The following COL5A2 variants were observed in gnomAD, a reference collection of about 807,000 sequenced individuals.
COL5A2 encodes collagen alpha-2(V) chain.
Under a neutral mutation model 208.2 loss-of-function variants are expected in COL5A2, and 23 were observed. That is an observed-to-expected ratio of 0.11 (90% CI 0.08 to 0.16). COL5A2 has a LOEUF of 0.16. COL5A2 is among the 10% of genes least tolerant of loss of function. The pLI, the probability that COL5A2 is intolerant of heterozygous loss-of-function variation, is 1.00. For synonymous variants in COL5A2, 625 were observed against 628.5 expected (o/e 0.99, Z 0.08); for missense variants, 1,590 against 1,956.4 (o/e 0.81, Z 3.53).
At chr2:189,265,866 T>G in the COL5A2 span, among the ~76,000 whole-genome samples, 1 of 152,292 alleles carries the variant, frequency 6.6e-6, no homozygotes, top group South Asian at 2.1e-4. Flanking sequence ...CATACACTGC[T>G]AGAAGGAATG....
chr2:189,213,359 G>A (rs1689239819), intron 1 of COL5A2, among the ~76,000 whole-genome samples: 1 of 152,100 alleles, frequency 6.6e-6, no homozygotes, highest in East Asian at 1.9e-4. Flanking sequence ...ATAACAAAAG[G>A]AGAATACAGA....
the COL5A2 span, among the ~76,000 whole-genome samples, chr2:189,247,174 G>A: frequency 6.6e-6 from 1 of 152,138 alleles, no homozygotes; most frequent in Admixed American, 6.5e-5. Flanking sequence ...ACCAGTTGTG[G>A]CCTAAGAAGA....
chr2:189,353,147 T>C, the COL5A2 span, among the ~76,000 whole-genome samples: 3 of 152,188 alleles, frequency 2.0e-5, no homozygotes, highest in Non-Finnish European at 4.4e-5. Context: ...CATTGGTGTA[T>C]ATATCTGTGT....
intron 1 of COL5A2, among the ~76,000 whole-genome samples, chr2:189,152,042 A>G (rs1323494486): frequency 6.6e-6 from 1 of 151,852 alleles, no homozygotes; most frequent in Admixed American, 6.6e-5. Context: ...TTACAATGCA[A>G]TATGAACAGA....
At chr2:189,128,240 C>A (rs917473464) in intron 1 of COL5A2, among the ~76,000 whole-genome samples, 1 of 151,884 alleles carries the variant, frequency 6.6e-6, no homozygotes, top group African/African-American at 2.4e-5. Context: ...CCAATATAAC[C>A]CATACATACC....
At chr2:189,284,737 C>T in the COL5A2 span, among the ~76,000 whole-genome samples, 6 of 152,194 alleles carry the variant, frequency 3.9e-5, no homozygotes, top group East Asian at 9.7e-4. Flanking sequence ...TAGAAATGCA[C>T]ATGTAGGTGA....
At chr2:189,118,323 A>G (rs902297488) in intron 1 of COL5A2, among the ~76,000 whole-genome samples, 1 of 152,034 alleles carries the variant, frequency 6.6e-6, no homozygotes, top group Non-Finnish European at 1.5e-5. Context: ...TGTATACTCA[A>G]TGAGTATAAA....
the COL5A2 span, among the ~76,000 whole-genome samples, chr2:189,405,522 G>A: frequency 6.6e-6 from 1 of 152,160 alleles, no homozygotes; most frequent in East Asian, 1.9e-4. Context: ...GAGCCACCGT[G>A]CCTGGCCTAA....
chr2:189,319,816 G>C, the COL5A2 span, among the ~76,000 whole-genome samples: 4 of 152,194 alleles, frequency 2.6e-5, no homozygotes, highest in Admixed American at 2.6e-4. Context: ...GAAGAGAGTA[G>C]TGGTTCTTCC....
At chr2:189,392,379 CT>C in the COL5A2 span, among the ~76,000 whole-genome samples, 2 of 152,102 alleles carry the variant, frequency 1.3e-5, no homozygotes, top group African/African-American at 2.4e-5. Context: ...AATAGTTATG[CT>C]CTCCTCCACT....
chr2:189,066,209 T>C (rs1686144701), intron 23 of COL5A2, among the ~76,000 whole-genome samples, 181 bp downstream of exon 23: 1 of 152,228 alleles, frequency 6.6e-6, no homozygotes, highest in Non-Finnish European at 1.5e-5. Flanking sequence ...TAACCAATAT[T>C]AGTTGAATGT....
chr2:189,074,770 C>T (rs868496265), intron 17 of COL5A2, among the ~76,000 whole-genome samples: 25 of 152,162 alleles, frequency 1.6e-4, no homozygotes, highest in South Asian at 8.3e-4. Flanking sequence ...GACATGCAGT[C>T]GGCCTCTGTT....
At chr2:189,288,280 C>T in the COL5A2 span, among the ~76,000 whole-genome samples, 1 of 152,124 alleles carries the variant, frequency 6.6e-6, no homozygotes, top group South Asian at 2.1e-4. Context: ...TTCTCCTGCA[C>T]ATTATAAAGG....
chr2:189,433,547 T>A, the COL5A2 span, among the ~76,000 whole-genome samples: 4 of 152,018 alleles, frequency 2.6e-5, no homozygotes, highest in African/African-American at 9.7e-5. Flanking sequence ...GAGAATACAA[T>A]AAACAACTCT....
chr2:189,359,482 G>A, the COL5A2 span, among the ~76,000 whole-genome samples: 4 of 152,070 alleles, frequency 2.6e-5, no homozygotes, highest in Non-Finnish European at 4.4e-5. Flanking sequence ...TTAGTATTTT[G>A]TTGATTTTCG....
chr2:189,217,586 A>G, intron 1 of COL5A2, among the ~76,000 whole-genome samples: 1 of 152,118 alleles, frequency 6.6e-6, no homozygotes, highest in East Asian at 1.9e-4. Context: ...GCTTCCAGAA[A>G]TGCTCCTACC....
At chr2:189,046,033 A>C in intron 45 of COL5A2, 126 bp from the exon 46 acceptor site, 1 of 615,086 alleles carries the variant, frequency 1.6e-6, no homozygotes, top group Non-Finnish European at 2.7e-6. Flanking sequence ...ATTTTTACTT[A>C]TTATTTTAAC....
chr2:189,163,105 T>TTAA (rs1006553118), intron 1 of COL5A2, among the ~76,000 whole-genome samples: 2 of 151,838 alleles, frequency 1.3e-5, no homozygotes, highest in African/African-American at 2.4e-5. Flanking sequence ...CCACAACCAT[T>TTAA]TAATAATAAT....
At chr2:189,440,017 G>GGGTATCACA in the COL5A2 span, among the ~76,000 whole-genome samples, 7 of 152,172 alleles carry the variant, frequency 4.6e-5, no homozygotes, top group Admixed American at 4.6e-4. Context: ...CTGTGACAAA[G>GGGTATCACA]GGTATCACAG....
Sources: allele counts gnomAD v4.1 joint callset (sites outside exome capture counted in the v4.1 genomes callset), GRCh38; gene constraint gnomAD v4.1.1; transcripts MANE v1.5; gene names NCBI Gene and HGNC (gene_info 2026-07-23, HGNC 2026-07-21).